The following ZNF541 variants were observed in gnomAD, a reference collection of about 807,000 sequenced individuals.
The protein encoded by ZNF541 is zinc finger protein 541.
Under a neutral mutation model 123.5 loss-of-function variants are expected in ZNF541, and 23 were observed. That is an observed-to-expected ratio of 0.19 (90% CI 0.13 to 0.26). The LOEUF (loss-of-function observed/expected upper bound fraction) is 0.26. ZNF541 is among the 10% of genes least tolerant of loss of function. The pLI, the probability that ZNF541 is intolerant of heterozygous loss-of-function variation, is 1.00. For missense variants in ZNF541, 1,612 were observed against 1,789.9 expected (o/e 0.90, Z 1.79); for synonymous variants, 751 against 754.5 (o/e 1.00, Z 0.08).
intron 14 of ZNF541, among the ~76,000 whole-genome samples, chr19:47,524,637 G>A (rs1015567765): frequency 6.6e-6 from 1 of 151,522 alleles, no homozygotes; most frequent in African/African-American, 2.4e-5. Flanking sequence ...GAACCCAGGA[G>A]GTGGAGGTTA....
intron 9 of ZNF541, among the ~76,000 whole-genome samples, chr19:47,535,204 C>T (rs1455768349): frequency 3.3e-5 from 5 of 152,186 alleles, no homozygotes; most frequent in Non-Finnish European, 7.3e-5. Context: ...CCGCCTGCCT[C>T]GGCTTCCCAA....
At chr19:47,548,568 G>A (rs902954700) in intron 4 of ZNF541, among the ~76,000 whole-genome samples, 11 of 151,974 alleles carry the variant, frequency 7.2e-5, no homozygotes, top group Non-Finnish European at 1.3e-4. Context: ...ACACAGATCC[G>A]TTTTCCTCAG....
chr19:47,572,599 G>T (rs1313254487), intron 1 of ZNF541, among the ~76,000 whole-genome samples: 1 of 152,000 alleles, frequency 6.6e-6, no homozygotes, highest in Non-Finnish European at 1.5e-5. Context: ...CCTAAAAAGG[G>T]ATAAATCTGG....
Position 47,539,777 on chromosome 19 carries a change from A to G in ZNF541, c.2724T>C (p.Ala908=). 1 of 1,478,084 alleles carries G rather than the reference A, an allele frequency of 6.8e-7. No homozygotes were observed. The highest frequency in any genetic ancestry group is 8.9e-7 in the Non-Finnish European group (1 of 1,121,996). 91.6% of individuals were successfully genotyped at this position (1,478,084 alleles called of 1,614,324 possible). Reference sequence around the variant, plus strand: ...ATTGGGGGACCACCAAAGGGGCTGCAGCTGTGGGGTCCAAGGGCTTCTTGG... The same window carrying G: ...ATTGGGGGACCACCAAAGGGGCTGCGGCTGTGGGGTCCAAGGGCTTCTTGG... The part of the protein sequence containing the change: ...PGTKKPLDPT[A]AAPLVVPQSI... Residue 908 remains alanine (A), a synonymous_variant, in exon 8 of 17, where the codon GCT becomes GCC. Transcript: ENST00000391901.
Position 47,555,957 on chromosome 19 carries a change from G to T in ZNF541, c.-98-3C>A. 8.4e-7 allele frequency: 1 copy of T among 1,196,240 alleles called. No homozygotes were observed. The allele number at this position is 1,196,240 out of a possible 1,614,324, so 74.1% of individuals were successfully genotyped here. ...GAGCCCTTGATGGCAACTAATTCCT[G>T]AAAATGAAGCAAGAAGAATGAAAGT... On this transcript the variant is annotated splice_polypyrimidine_tract_variant and splice_region_variant and intron_variant, in intron 2 of 16. Transcript: ENST00000391901.
rs73940888 is a variant in ZNF541 at position 47,556,222 on chromosome 19, C to G, written c.-98-268G>C. ...GGACTGAACTGACCTCTTGCTCCAG[C>G]TATAAACATATACATGTATGACAAA... On this transcript the variant is annotated intron_variant, in intron 2 of 16. Coordinates refer to ENST00000391901, the MANE Select transcript of ZNF541 (RefSeq NM_001277075.3). 3.2e-3 allele frequency among the ~76,000 whole-genome samples: 481 copies of G among 152,278 alleles called. 1 individual carries two copies. Among genetic ancestry groups the G allele is most frequent in the African/African-American group, 0.011 (452 of 41,554 alleles).
rs1180895887 is a variant in ZNF541 at position 47,545,112 on chromosome 19, G to T, written c.1417C>A (p.Pro473Thr). The T allele has an allele frequency of 4.0e-6, 6 of 1,482,934 alleles. No individual in the cohort carries two copies. Among genetic ancestry groups the T allele is most frequent in the South Asian group, 1.3e-5 (1 of 76,284 alleles). 91.9% of individuals were successfully genotyped at this position (1,482,934 alleles called of 1,614,324 possible). A position where few individuals can be genotyped will look rare whatever the true frequency, so the allele number is the denominator to read the frequency against. The change falls in exon 5 of 17, where the codon CCC (proline) becomes ACC (threonine). Residue 473 changes from proline (P) to threonine (T), a missense_variant. Physicochemically the swap from Pro to Thr is conservative, Grantham distance 38. Coordinates refer to ENST00000391901, the MANE Select transcript of ZNF541 (RefSeq NM_001277075.3). The surrounding 1 kb of genome is among the most constrained non-coding windows in gnomAD (Gnocchi z 7.5). ...GPGGGLEDALPFPAALLRVPA... is the reference protein window; with the variant it reads ...GPGGGLEDALTFPAALLRVPA... ...ACCCTGAGGAGCGCGGCAGGGAAGG[G>T]CAGAGCATCCTCCAGGCCACCGCCG...
At chr19:47,533,434 G>C (rs1250475529) in intron 9 of ZNF541, among the ~76,000 whole-genome samples, 1 of 145,636 alleles carries the variant, frequency 6.9e-6, no homozygotes, top group African/African-American at 2.6e-5. Flanking sequence ...AAAGGTAGAG[G>C]AAGGAACTCT....
chr19:47,560,337 AG>A (rs1322182909), intron 2 of ZNF541, among the ~76,000 whole-genome samples: 1 of 152,088 alleles, frequency 6.6e-6, no homozygotes, highest in Non-Finnish European at 1.5e-5. Flanking sequence ...GCATTTTGGG[AG>A]GCCGAGGCAG....
chr19:47,544,817 G>A lies in ZNF541; in HGVS notation c.1712C>T (p.Ala571Val). Residue 571 changes from alanine (A) to valine (V), a missense_variant, in exon 5 of 17, where the codon GCC becomes GTC. By Grantham distance (64) the Ala-to-Val change is moderately conservative (BLOSUM62 0). Transcript: ENST00000391901. Reference protein sequence around the residue: ...ITKSQRIFSHAQVAAVSSQLP... With the variant: ...ITKSQRIFSHVQVAAVSSQLP... ...CTGGGAGGAGACTGCTGCCACCTGG[G>A]CATGGGAGAAGATCCGCTGGGACTT... 1.3e-6 allele frequency: 2 copies of A among 1,533,000 alleles called. No individual in the cohort carries two copies. The highest frequency in any genetic ancestry group is 1.7e-6 in the Non-Finnish European group (2 of 1,144,810). The allele number at this position is 1,533,000 out of a possible 1,614,324, so 95.0% of individuals were successfully genotyped here.
chr19:47,541,070 T>C (rs1970061044), intron 5 of ZNF541, 119 bp from the exon 6 acceptor site: 2 of 936,650 alleles, frequency 2.1e-6, no homozygotes, highest in Non-Finnish European at 1.6e-6. Context: ...GATTAGACAG[T>C]GGTTTCTTAG....
Position 47,545,426 on chromosome 19 carries a change from G to A in ZNF541, c.1103C>T (p.Pro368Leu). Residue 368 changes from proline to leucine, a missense_variant, in exon 5 of 17, where the codon CCG becomes CTG. Physicochemically the swap from Pro to Leu is moderately conservative, Grantham distance 98. Coordinates refer to ENST00000391901, the MANE Select transcript of ZNF541 (RefSeq NM_001277075.3). This position sits in a 1 kb window ranked among gnomAD's most constrained non-coding sequence, Gnocchi z 7.5. ...AENGAPDPPE[P>L]EPDTALLQAR... ...CTGGAGCAGCGCGGTATCTGGCTCCGGCTCTGGCGGGTCGGGGGCGCCGTT... is the reference window on the plus strand; with the variant it reads ...CTGGAGCAGCGCGGTATCTGGCTCCAGCTCTGGCGGGTCGGGGGCGCCGTT... 6.7e-7 allele frequency: 1 copy of A among 1,483,386 alleles called. No homozygotes were observed. The highest frequency in any genetic ancestry group is 9.0e-7 in the Non-Finnish European group (1 of 1,114,302). 91.9% of individuals were successfully genotyped at this position (1,483,386 alleles called of 1,614,324 possible). A position where few individuals can be genotyped will look rare whatever the true frequency, so the allele number is the denominator to read the frequency against.
intron 2 of ZNF541, among the ~76,000 whole-genome samples, chr19:47,562,195 GCC>G (rs1216848236): frequency 6.6e-6 from 1 of 152,156 alleles, no homozygotes; most frequent in East Asian, 1.9e-4. Flanking sequence ...GCTGCAGTGA[GCC>G]AAGATCGTGC....
chr19:47,534,448 C>A (rs1257492328), intron 9 of ZNF541, among the ~76,000 whole-genome samples: 1 of 152,048 alleles, frequency 6.6e-6, no homozygotes, highest in Non-Finnish European at 1.5e-5. Context: ...GTCAGGAGTT[C>A]AAGACCAGCC....
At position 47,555,646 on chromosome 19, in the gene ZNF541, T is replaced by C. The variant is rs903109847; in HGVS notation, c.211A>G (p.Asn71Asp). The change falls in exon 3 of 17, where the codon AAC becomes GAC. Residue 71 changes from asparagine (N) to aspartate (D), a missense_variant. By Grantham distance (23) the Asn-to-Asp change is conservative. Transcript: ENST00000391901. ...GAGTACAGGGACAAGGTGTCTAAGTTGTCCTCCAGCACCTCGCTGGACATG... is the reference window on the plus strand; with the variant it reads ...GAGTACAGGGACAAGGTGTCTAAGTCGTCCTCCAGCACCTCGCTGGACATG... ...PDMSSEVLED[N>D]LDTLSLYSGK... The C allele has an allele frequency of 1.4e-5, 21 of 1,551,558 alleles. No individual in the cohort carries two copies. The highest frequency in any genetic ancestry group is 1.4e-5 in the Non-Finnish European group (16 of 1,146,994).
At chr19:47,540,464 G>A (rs1970035170) in intron 6 of ZNF541, 129 bp from the exon 7 acceptor site, 5 of 983,822 alleles carry the variant, frequency 5.1e-6, no homozygotes, top group Non-Finnish European at 5.8e-6. Context: ...TTTGGAGATG[G>A]AGTCTCACTC....
chr19:47,570,600 A>AG (rs1971441609), intron 2 of ZNF541, among the ~76,000 whole-genome samples: 1 of 130,390 alleles, frequency 7.7e-6, no homozygotes, highest in Admixed American at 7.9e-5. Context: ...AAAAAAAAAA[A>AG]GCGCATTTTG....
rs567007343 is a variant in ZNF541 at position 47,549,582 on chromosome 19, T to C, written c.308-97A>G. 7.4e-6 allele frequency: 11 copies of C among 1,490,134 alleles called. No individual in the cohort carries two copies. The African/African-American group carries it at 1.4e-4, about 19-fold the overall frequency. The allele number at this position is 1,490,134 out of a possible 1,614,324, so 92.3% of individuals were successfully genotyped here. On this transcript the variant is annotated intron_variant, in intron 3 of 16. Transcript: ENST00000391901. ...TACACCTCTTAGAACCATGGTGGCC[T>C]TGTAAGTGTTGCGCGAGAACTCTTG...
At chr19:47,551,188 T>C (rs1462702435) in intron 3 of ZNF541, among the ~76,000 whole-genome samples, 1 of 151,874 alleles carries the variant, frequency 6.6e-6, no homozygotes, top group Non-Finnish European at 1.5e-5. Context: ...TACAGGTACC[T>C]GCCACCATGT....
Sources: allele counts gnomAD v4.1 joint callset (sites outside exome capture counted in the v4.1 genomes callset), GRCh38; gene constraint gnomAD v4.1.1; non-coding constraint Gnocchi (gnomAD v3.1); transcripts MANE v1.5; gene names NCBI Gene and HGNC (gene_info 2026-07-23, HGNC 2026-07-21).